SIK3: variants seen among roughly 807,000 people sequenced by gnomAD.
SIK3 encodes the protein serine/threonine-protein kinase SIK3.
A neutral mutation model predicts 144.2 loss-of-function variants in SIK3; 28 were observed. That is an observed-to-expected ratio of 0.19 (90% CI 0.14 to 0.27). The LOEUF is 0.27. Ranked by LOEUF, SIK3 falls within the 10% of genes least tolerant of loss-of-function variation. The pLI is 1.00. For synonymous variants in SIK3, 686 were observed against 676.3 expected (o/e 1.01, Z -0.22); for missense variants, 1,319 against 1,776.0 (o/e 0.74, Z 4.62).
At chr11:117,043,804 A>G (rs1361530004) in intron 1 of SIK3, among the ~76,000 whole-genome samples, 1 of 152,224 alleles carries the variant, frequency 6.6e-6, no homozygotes, top group Non-Finnish European at 1.5e-5. Flanking sequence ...ACTTTCTGTC[A>G]GCCATCTCAA....
intron 1 of SIK3, among the ~76,000 whole-genome samples, chr11:117,092,802 C>T (rs1259980089): frequency 2.6e-5 from 4 of 152,108 alleles, no homozygotes; most frequent in Non-Finnish European, 4.4e-5. Flanking sequence ...CTCTTTTACG[C>T]GATGAACTAG....
At chr11:117,043,407 G>C (rs958357086) in intron 1 of SIK3, among the ~76,000 whole-genome samples, 1 of 152,070 alleles carries the variant, frequency 6.6e-6, no homozygotes, top group African/African-American at 2.4e-5. Flanking sequence ...TTACACTGCA[G>C]TCTCCCCACT....
chr11:116,969,584 C>A (rs1026706025), intron 1 of SIK3, among the ~76,000 whole-genome samples: 1 of 151,584 alleles, frequency 6.6e-6, no homozygotes, highest in East Asian at 1.9e-4. Flanking sequence ...ATCAAGTTGG[C>A]ATTTTTTGAA....
At chr11:116,894,565 G>A (rs528022939) in intron 6 of SIK3, among the ~76,000 whole-genome samples, 1 of 152,312 alleles carries the variant, frequency 6.6e-6, no homozygotes, top group Admixed American at 6.5e-5. Flanking sequence ...TGTTATTGGA[G>A]CCAAAATACC....
intron 4 of SIK3, among the ~76,000 whole-genome samples, chr11:116,918,393 C>T (rs1946783104): frequency 6.6e-6 from 1 of 151,992 alleles, no homozygotes; most frequent in African/African-American, 2.4e-5. Flanking sequence ...TTTTCCACCC[C>T]CACCCCCACA....
chr11:117,023,762 C>T (rs1261938841), intron 1 of SIK3, among the ~76,000 whole-genome samples: 2 of 151,632 alleles, frequency 1.3e-5, no homozygotes, highest in East Asian at 1.9e-4. Flanking sequence ...CTGCAACCTC[C>T]GCCTCTAGGG....
chr11:116,936,033 G>C (rs1947898225), intron 3 of SIK3, among the ~76,000 whole-genome samples: 1 of 152,156 alleles, frequency 6.6e-6, no homozygotes, highest in African/African-American at 2.4e-5. Context: ...CCAGCACACT[G>C]GGAGGCCAAG....
chr11:117,034,242 A>C lies in SIK3; in HGVS notation c.273+63901T>G, dbSNP rs183030100. On this transcript the variant is annotated intron_variant, in intron 1 of 24. Transcript: ENST00000445177. ...TTAAATCCTACACTGCTAACACTATAACTATATTGAATAAACATACTGCCC... is the reference window on the plus strand; with the variant it reads ...TTAAATCCTACACTGCTAACACTATCACTATATTGAATAAACATACTGCCC... Among the ~76,000 whole-genome samples the C allele has an allele frequency of 3.3e-5, 5 of 152,340 alleles. No homozygotes were observed. In the East Asian group the frequency reaches 7.7e-4, roughly 24 times the overall value.
intron 1 of SIK3, among the ~76,000 whole-genome samples, chr11:117,080,445 A>G (rs1251746110): frequency 6.6e-6 from 1 of 152,238 alleles, no homozygotes; most frequent in Admixed American, 6.5e-5. Flanking sequence ...AGAACATTGT[A>G]TATATCATGA....
intron 1 of SIK3, among the ~76,000 whole-genome samples, chr11:116,965,614 G>A (rs958293128): frequency 1.7e-4 from 25 of 150,942 alleles, no homozygotes; most frequent in Admixed American, 7.9e-4. Context: ...GAGGGAAGAG[G>A]CCAGGTGCAG....
intron 1 of SIK3, among the ~76,000 whole-genome samples, chr11:116,984,442 T>C (rs1490852157): frequency 6.6e-6 from 1 of 152,166 alleles, no homozygotes; most frequent in Non-Finnish European, 1.5e-5. Flanking sequence ...ATAAGCAGCA[T>C]GCGTTTCCAG....
chr11:116,921,900 T>A (rs1372118133), intron 4 of SIK3, among the ~76,000 whole-genome samples: 1 of 151,084 alleles, frequency 6.6e-6, no homozygotes, highest in Non-Finnish European at 1.5e-5. Flanking sequence ...ACAAAAAAAA[T>A]CATAAACAGT....
At chr11:117,015,201 T>C (rs1951466405) in intron 1 of SIK3, among the ~76,000 whole-genome samples, 1 of 152,176 alleles carries the variant, frequency 6.6e-6, no homozygotes, top group African/African-American at 2.4e-5. Context: ...AAGGTGCTCC[T>C]ATTGTTAACC....
chr11:117,032,022 T>C (rs1390145774), intron 1 of SIK3, among the ~76,000 whole-genome samples: 1 of 152,226 alleles, frequency 6.6e-6, no homozygotes, highest in Admixed American at 6.5e-5. Flanking sequence ...TTTTCTATTC[T>C]GTTTCATTGA....
Position 116,910,687 on chromosome 11 carries a change from A to C in SIK3, c.617-13370T>G, listed in dbSNP as rs1186356705. Among the ~76,000 whole-genome samples, 5 of 152,326 alleles carry C rather than the reference A, an allele frequency of 3.3e-5. No homozygotes were observed. In the South Asian group the frequency reaches 6.2e-4, roughly 19 times the overall value. On this transcript the variant is annotated intron_variant, in intron 4 of 24. Transcript: ENST00000445177. ...CTGGATTCCAGAAGACATAAAGTAAACTAGACTACCATAAGCTGAAGTTTA... is the reference window on the plus strand; with the variant it reads ...CTGGATTCCAGAAGACATAAAGTAACCTAGACTACCATAAGCTGAAGTTTA...
chr11:116,968,813 A>G (rs1949657760), intron 1 of SIK3, among the ~76,000 whole-genome samples: 1 of 152,238 alleles, frequency 6.6e-6, no homozygotes, highest in Admixed American at 6.5e-5. Flanking sequence ...AGTATAGTTA[A>G]TAACATTGTG....
rs147730555 is a variant in SIK3, at chr11:116,861,300, A to G, written c.2399T>C (p.Met800Thr). The G allele has an allele frequency of 1.0e-4, 164 of 1,594,388 alleles. No homozygotes were observed. Among genetic ancestry groups the G allele is most frequent in the Middle Eastern group, 1.7e-4 (1 of 6,012 alleles). Reference protein sequence around the residue: ...FRQPSNSPPPMSSAMIQPHGA... With the variant: ...FRQPSNSPPPTSSAMIQPHGA... ...GTGAGGCTGGATCATGGCACTGCTCATGGGGGGAGGACTATTACTGGGCTG... is the reference window on the plus strand; with the variant it reads ...GTGAGGCTGGATCATGGCACTGCTCGTGGGGGGAGGACTATTACTGGGCTG... The change falls in exon 19 of 25, where the codon ATG (methionine) becomes ACG (threonine). Residue 800 changes from methionine to threonine, a missense_variant. Transcript: ENST00000445177.
chr11:116,861,997 G>A, intron 17 of SIK3, 71 bp from the exon 18 acceptor site: 2 of 1,317,100 alleles, frequency 1.5e-6, no homozygotes, highest in Non-Finnish European at 2.1e-6. Flanking sequence ...TTCTCAGGAA[G>A]GGAAGAAACA....
chr11:116,884,121 A>G, intron 6 of SIK3, among the ~76,000 whole-genome samples: 1 of 152,292 alleles, frequency 6.6e-6, no homozygotes, highest in Middle Eastern at 3.4e-3. Flanking sequence ...GAATGCTTTT[A>G]TTCTATACAT....
Sources: gnomAD v4.1 joint callset for allele counts (sites outside exome capture counted in the v4.1 genomes callset) on GRCh38, gnomAD v4.1.1 for gene constraint, MANE v1.5 for transcripts, NCBI Gene and HGNC (gene_info 2026-07-23, HGNC 2026-07-21) for gene names.